EXOC4: variants seen among roughly 807,000 people sequenced by gnomAD.
EXOC4 encodes SEC8-like 1.
In EXOC4, 71 loss-of-function variants were observed where a neutral mutation model predicts 107.2. The observed-to-expected ratio is 0.66, with a 90% CI of 0.55 to 0.81. EXOC4 has a LOEUF of 0.81. Ranked by LOEUF, EXOC4 falls within the 30% of genes least tolerant of loss-of-function variation. The pLI is 0.00. For synonymous variants in EXOC4, 456 were observed against 441.2 expected (o/e 1.03, Z -0.42); for missense variants, 1,108 against 1,189.6 (o/e 0.93, Z 1.01).
chr7:133,604,706 C>CTTTTTTTTTTTTTTTTTTTT lies in EXOC4; in HGVS notation c.1418-25336_1418-25335insTTTTTTTTTTTTTTTTTTTT, dbSNP rs1554477961. Among the ~76,000 whole-genome samples the CTTTTTTTTTTTTTTTTTTTT allele has an allele frequency of 1.6e-3, 137 of 87,512 alleles. 29 individuals carry two copies. The highest frequency in any genetic ancestry group is 2.0e-3 in the Non-Finnish European group (87 of 44,028). 57.4% of individuals were successfully genotyped at this position (87,512 alleles called of 152,430 possible). A position where few individuals can be genotyped will look rare whatever the true frequency, so the allele number is the denominator to read the frequency against. ...TTTTTCTTTCCTTCCTTCCTTCCTT[C>CTTTTTTTTTTTTTTTTTTTT]TTTCTTTTTTTTTTTTTTTTTTTTT... is the stretch of plus-strand genomic sequence containing the variant. On this transcript the variant is annotated intron_variant, in intron 9 of 17. Transcript: ENST00000253861.
intron 10 of EXOC4, among the ~76,000 whole-genome samples, chr7:133,780,070 G>C (rs745943672): frequency 8.5e-5 from 13 of 152,096 alleles, no homozygotes; most frequent in Non-Finnish European, 1.5e-4. Flanking sequence ...GTGTGTTCTG[G>C]GGAGTTGGAA....
At chr7:133,826,027 A>AT (rs777974689) in intron 11 of EXOC4, among the ~76,000 whole-genome samples, 2 of 152,154 alleles carry the variant, frequency 1.3e-5, no homozygotes, top group Non-Finnish European at 2.9e-5. Flanking sequence ...TATTTTATTT[A>AT]TTCACTAACA....
At chr7:133,643,796 C>T (rs994137712) in intron 10 of EXOC4, among the ~76,000 whole-genome samples, 1 of 152,100 alleles carries the variant, frequency 6.6e-6, no homozygotes, top group African/African-American at 2.4e-5. Context: ...CATACACAAA[C>T]ATGTTTTTAA....
intron 10 of EXOC4, among the ~76,000 whole-genome samples, chr7:133,770,039 CA>C (rs1395080300): frequency 6.6e-6 from 1 of 151,422 alleles, no homozygotes; most frequent in Non-Finnish European, 1.5e-5. Context: ...ATAAACTTGC[CA>C]AAATCAACAT....
At chr7:133,583,898 A>C (rs2150970209) in intron 9 of EXOC4, among the ~76,000 whole-genome samples, 1 of 152,270 alleles carries the variant, frequency 6.6e-6, no homozygotes, top group Middle Eastern at 3.4e-3. Context: ...AGGCAAGGAG[A>C]CAGGGTGTCT....
intron 9 of EXOC4, among the ~76,000 whole-genome samples, chr7:133,543,224 T>C (rs1800415061): frequency 6.6e-6 from 1 of 152,122 alleles, no homozygotes; most frequent in South Asian, 2.1e-4. Context: ...TTGAGTGTCC[T>C]GACATAATCT....
intron 10 of EXOC4, among the ~76,000 whole-genome samples, chr7:133,770,140 C>G (rs1317545925): frequency 6.6e-6 from 1 of 151,848 alleles, no homozygotes; most frequent in Non-Finnish European, 1.5e-5. Context: ...ATTTTATAAT[C>G]ATAATATTAG....
chr7:133,913,464 G>T (rs1235914600), intron 12 of EXOC4, among the ~76,000 whole-genome samples: 3 of 152,146 alleles, frequency 2.0e-5, no homozygotes, highest in African/African-American at 4.8e-5. Context: ...AAAAAGATGA[G>T]GGTTTAAATA....
chr7:133,703,866 C>A (rs1342923334), intron 10 of EXOC4, among the ~76,000 whole-genome samples: 2 of 152,338 alleles, frequency 1.3e-5, no homozygotes, highest in Middle Eastern at 6.8e-3. Context: ...ATGACCTTGG[C>A]AAATTCATCA....
intron 9 of EXOC4, among the ~76,000 whole-genome samples, chr7:133,590,208 C>T (rs1377558378): frequency 6.6e-6 from 1 of 152,126 alleles, no homozygotes; most frequent in African/African-American, 2.4e-5. Flanking sequence ...TGTGCAGGTT[C>T]CTTTCTCTGC....
intron 10 of EXOC4, among the ~76,000 whole-genome samples, chr7:133,810,082 G>A (rs761226550): frequency 7.3e-5 from 9 of 123,214 alleles, no homozygotes; most frequent in African/African-American, 2.7e-4. Flanking sequence ...GATGCTGGCC[G>A]TCGAATTTTA....
chr7:133,505,004 G>A (rs552187046), intron 9 of EXOC4, among the ~76,000 whole-genome samples: 1 of 152,238 alleles, frequency 6.6e-6, no homozygotes, highest in African/African-American at 2.4e-5. Context: ...TCAGGTCGGA[G>A]ATTGAAATGT....
rs142146774 is a variant in EXOC4, at chr7:133,629,193, A to G, written c.1418-852A>G. ...GAAACATTCCAAGAAAGCATTATATAGTTTAAATAGCAGGACTTTTTTTTT... is the reference window on the plus strand; with the variant it reads ...GAAACATTCCAAGAAAGCATTATATGGTTTAAATAGCAGGACTTTTTTTTT... On this transcript the variant is annotated intron_variant, in intron 9 of 17. Coordinates refer to ENST00000253861, the MANE Select transcript of EXOC4 (RefSeq NM_021807.4). 7.2e-4 allele frequency among the ~76,000 whole-genome samples: 110 copies of G among 152,320 alleles called. 1 individual carries two copies. The East Asian group carries it at 0.014, about 19-fold the overall frequency.
At chr7:133,735,219 C>CAAAAAAAAA (rs56769096) in intron 10 of EXOC4, among the ~76,000 whole-genome samples, 15 of 33,506 alleles carry the variant, frequency 4.5e-4, no homozygotes, top group Non-Finnish European at 5.2e-4. Context: ...GACTCTGTCT[C>CAAAAAAAAA]AAAAAAAAAA....
intron 17 of EXOC4, among the ~76,000 whole-genome samples, chr7:134,053,879 C>A (rs1795859870): frequency 6.6e-6 from 1 of 152,068 alleles, no homozygotes; most frequent in Non-Finnish European, 1.5e-5. Flanking sequence ...CTATGAAGTA[C>A]AACAAAGACA....
chr7:134,024,134 T>C (rs569763125), intron 17 of EXOC4, among the ~76,000 whole-genome samples: 3 of 152,282 alleles, frequency 2.0e-5, no homozygotes, highest in Non-Finnish European at 2.9e-5. Flanking sequence ...CAGTGACTGA[T>C]GAAAGTGTCT....
At chr7:133,505,499 A>G (rs1339917558) in intron 9 of EXOC4, among the ~76,000 whole-genome samples, 1 of 152,146 alleles carries the variant, frequency 6.6e-6, no homozygotes, top group African/African-American at 2.4e-5. Context: ...TCCTGTATTT[A>G]ATGGAAATAT....
At chr7:133,271,613 G>T (rs989263594) in intron 1 of EXOC4, among the ~76,000 whole-genome samples, 3 of 152,202 alleles carry the variant, frequency 2.0e-5, no homozygotes, top group Admixed American at 1.3e-4. Context: ...CTTAGATTCG[G>T]TTTTCGGAGC....
chr7:133,428,356 A>G (rs1797774789), intron 7 of EXOC4, among the ~76,000 whole-genome samples: 1 of 152,194 alleles, frequency 6.6e-6, no homozygotes, highest in African/African-American at 2.4e-5. Flanking sequence ...AATTGCTAAC[A>G]TTTCACCTTT....
Sources: allele counts gnomAD v4.1 joint callset (sites outside exome capture counted in the v4.1 genomes callset), GRCh38; gene constraint gnomAD v4.1.1; transcripts MANE v1.5; gene names NCBI Gene and HGNC (gene_info 2026-07-23, HGNC 2026-07-21).